Variants in MTOR observed in about 807,000 individuals in gnomAD.
MTOR encodes serine/threonine-protein kinase mTOR.
MTOR carries 70 observed loss-of-function variants against 319.8 expected under a neutral mutation model. The observed-to-expected ratio is 0.22, with a 90% CI of 0.18 to 0.27. MTOR has a LOEUF of 0.27. Among genes scored for constraint, MTOR ranks in the 10% least tolerant of loss-of-function variants. The probability of loss-of-function intolerance (pLI) is 1.00; values close to 1 mark genes in which losing one functional copy is unlikely to be tolerated. For missense variants in MTOR, 1,890 were observed against 3,274.4 expected (o/e 0.58, Z 10.32); for synonymous variants, 1,183 against 1,211.4 (o/e 0.98, Z 0.49).
rs541859809 is a variant in MTOR at position 11,261,645 on chromosome 1, AC to A, written c.-15+799del. On this transcript the variant is annotated intron_variant, in intron 1 of 57. Coordinates refer to ENST00000361445, the MANE Select transcript of MTOR (RefSeq NM_004958.4). ...AGAATTTGTAAGGCACAGAGGAAAA[AC>A]CTGGGAATAATTGGTTTTGTAAAGC... 4.7e-3 allele frequency among the ~76,000 whole-genome samples: 712 copies of A among 152,192 alleles called. 2 individuals carry two copies. The highest frequency in any genetic ancestry group is 7.8e-3 in the Non-Finnish European group (528 of 68,026).
At chr1:11,234,371 T>C in intron 13 of MTOR, 106 bp from the exon 14 acceptor site, 1 of 1,322,732 alleles carries the variant, frequency 7.6e-7, no homozygotes, top group Non-Finnish European at 1.0e-6. Flanking sequence ...AACCCAGACC[T>C]CCACGACAGA....
chr1:11,252,666 C>T (rs1649848830), intron 6 of MTOR, among the ~76,000 whole-genome samples: 1 of 152,216 alleles, frequency 6.6e-6, no homozygotes, highest in African/African-American at 2.4e-5. Flanking sequence ...GCATGCGCTG[C>T]TCCCACATCT....
At position 11,226,076 on chromosome 1, in the gene MTOR, A is replaced by G. The variant is rs929307801; in HGVS notation, c.3030+2592T>C. On this transcript the variant is annotated intron_variant, in intron 19 of 57. Transcript: ENST00000361445. The stretch of plus-strand genomic sequence containing the variant: ...ACATTATAACCAAGGTGGTTTTAAT[A>G]TAAGAATGCCAGCATTCTTACATTA... Among the ~76,000 whole-genome samples the G allele has an allele frequency of 2.6e-5, 4 of 152,220 alleles. 1 individual carries two copies. Among genetic ancestry groups the G allele is most frequent in the Admixed American group, 6.5e-5 (1 of 15,276 alleles).
At chr1:11,247,254 A>G (rs1042180052) in intron 8 of MTOR, among the ~76,000 whole-genome samples, 2 of 152,140 alleles carry the variant, frequency 1.3e-5, no homozygotes, top group African/African-American at 4.8e-5. Context: ...CTTGGTGACC[A>G]CCTCAGGGAC....
At chr1:11,231,116 C>T (rs934627520) in intron 17 of MTOR, 62 bp from the exon 18 acceptor site, 11 of 1,611,734 alleles carry the variant, frequency 6.8e-6, no homozygotes, top group Admixed American at 3.3e-5. Flanking sequence ...CAACAAGTAT[C>T]ACGGATACTC....
intron 26 of MTOR, among the ~76,000 whole-genome samples, chr1:11,200,872 G>A (rs1012503134): frequency 3.3e-5 from 5 of 151,870 alleles, no homozygotes; most frequent in East Asian, 3.9e-4. Context: ...AAAATTAGCC[G>A]GGCGCGGTGG....
rs1648853681 is a variant in MTOR at position 11,246,554 on chromosome 1, C to T, written c.1225+1071G>A. On this transcript the variant is annotated intron_variant, in intron 8 of 57. Coordinates refer to ENST00000361445, the MANE Select transcript of MTOR (RefSeq NM_004958.4). ...CTCACCCAACACGTTCTACTTCTTT[C>T]GAACAGCGTGTTTAACACCTGACCA... Among the ~76,000 whole-genome samples, 4 of 152,152 alleles carry T rather than the reference C, an allele frequency of 2.6e-5. No individual in the cohort carries two copies. The South Asian group carries it at 8.3e-4, about 32-fold the overall frequency.
At chr1:11,252,680 C>A (rs925963113) in intron 6 of MTOR, among the ~76,000 whole-genome samples, 4 of 152,218 alleles carry the variant, frequency 2.6e-5, no homozygotes, top group Non-Finnish European at 4.4e-5. Flanking sequence ...CACATCTGGG[C>A]ATGGCTATTA....
At chr1:11,137,294 A>G (rs758987310) in intron 36 of MTOR, among the ~76,000 whole-genome samples, 52 of 152,034 alleles carry the variant, frequency 3.4e-4, no homozygotes, top group Non-Finnish European at 3.2e-4. Context: ...GGTGCTTTTC[A>G]GAGCCCATAA....
intron 50 of MTOR, 116 bp downstream of exon 50, chr1:11,116,888 C>T (rs1642194463): frequency 1.3e-6 from 1 of 773,118 alleles, no homozygotes; most frequent in Non-Finnish European, 2.2e-6. Flanking sequence ...CTTACATATA[C>T]AATACCAATA....
intron 26 of MTOR, among the ~76,000 whole-genome samples, chr1:11,201,305 A>G (rs1010660429): frequency 1.9e-4 from 29 of 152,192 alleles, no homozygotes; most frequent in Admixed American, 3.9e-4. Flanking sequence ...GTGACTGGAG[A>G]GAAAAGAGGA....
intron 28 of MTOR, among the ~76,000 whole-genome samples, chr1:11,172,656 G>A (rs1370519475): frequency 6.6e-6 from 1 of 151,704 alleles, no homozygotes; most frequent in Admixed American, 6.6e-5. Context: ...GGATCACGAG[G>A]TCAGGAGTTC....
chr1:11,180,555 G>C (rs1364197292), intron 28 of MTOR, among the ~76,000 whole-genome samples: 1 of 152,186 alleles, frequency 6.6e-6, no homozygotes, highest in Non-Finnish European at 1.5e-5. Flanking sequence ...CTAAGTCAGG[G>C]TGGAGATGTC....
chr1:11,212,822 G>A lies in MTOR; in HGVS notation c.3372C>T (p.Ala1124=). The A allele has an allele frequency of 6.2e-7, 1 of 1,614,000 alleles. No individual in the cohort carries two copies. Among genetic ancestry groups the A allele is most frequent in the South Asian group, 1.1e-5 (1 of 91,058 alleles). ...LLPPIVKLFD[A]PEAPLPSRKA... is the part of the protein sequence containing the mutation. ...TTCGAGATGGCAGTGGAGCTTCAGG[G>A]GCATCAAACAACTTAACAATAGGAG... Residue 1124 remains alanine, a synonymous_variant, in exon 22 of 58, where the codon GCC becomes GCT. Transcript: ENST00000361445. The surrounding 1 kb of genome is among the most constrained non-coding windows in gnomAD (Gnocchi z 4.1).
At chr1:11,202,799 T>C (rs1335007520) in intron 26 of MTOR, among the ~76,000 whole-genome samples, 3 of 151,976 alleles carry the variant, frequency 2.0e-5, no homozygotes, top group Admixed American at 6.6e-5. Flanking sequence ...TCCCAGCTAC[T>C]CAGGAGGCTG....
chr1:11,152,872 G>A (rs756825635), intron 30 of MTOR, among the ~76,000 whole-genome samples: 3 of 152,154 alleles, frequency 2.0e-5, no homozygotes, highest in Admixed American at 6.5e-5. Flanking sequence ...CTTTCGACTC[G>A]TTTTAAAACC....
intron 8 of MTOR, among the ~76,000 whole-genome samples, chr1:11,244,426 A>G (rs1400985083): frequency 6.6e-6 from 1 of 152,098 alleles, no homozygotes; most frequent in African/African-American, 2.4e-5. Flanking sequence ...TGAGCTCAGG[A>G]GTTTGAGACC....
intron 31 of MTOR, among the ~76,000 whole-genome samples, chr1:11,147,244 T>C (rs1424529516): frequency 6.6e-6 from 1 of 152,202 alleles, no homozygotes; most frequent in Non-Finnish European, 1.5e-5. Flanking sequence ...ACACAGATGA[T>C]AGGGGACAGG....
chr1:11,206,949 T>A (rs982327330), intron 25 of MTOR, among the ~76,000 whole-genome samples: 8 of 152,232 alleles, frequency 5.3e-5, no homozygotes, highest in Non-Finnish European at 8.8e-5. Context: ...ATAAATCTAA[T>A]ATTATCATAA....
Sources: allele counts gnomAD v4.1 joint callset (sites outside exome capture counted in the v4.1 genomes callset), GRCh38; gene constraint gnomAD v4.1.1; non-coding constraint Gnocchi (gnomAD v3.1); transcripts MANE v1.5; gene names NCBI Gene and HGNC (gene_info 2026-07-23, HGNC 2026-07-21).